The following NUDT19 variants were observed in gnomAD, a reference collection of about 807,000 sequenced individuals.
NUDT19 encodes the protein nudix hydrolase 19, also known as acyl-coenzyme A diphosphatase NUDT19.
NUDT19 carries 31 observed loss-of-function variants against 22.2 expected under a neutral mutation model. The ratio of observed to expected loss-of-function variants is 1.40; its 90% CI spans 1.05 to 1.89. The LOEUF is 1.89. Among genes scored for constraint, NUDT19 ranks in the 40% most tolerant of loss-of-function variants. NUDT19 has a pLI of 0.00. For missense variants in NUDT19, 752 were observed against 514.2 expected, an observed-to-expected ratio of 1.46 and a Z score of -4.47; for synonymous variants, 325 against 230.8, an observed-to-expected ratio of 1.41 and a Z score of -3.70.
At chr19:32,706,671 G>A (rs569083465) in intron 1 of NUDT19, among the ~76,000 whole-genome samples, 8 of 152,158 alleles carry the variant, frequency 5.3e-5, no homozygotes, top group East Asian at 1.9e-4. Flanking sequence ...TAACAAAAGC[G>A]AAACTCCATC....
chr19:32,693,276 C>G (rs910224644), intron 1 of NUDT19, among the ~76,000 whole-genome samples: 1 of 152,162 alleles, frequency 6.6e-6, no homozygotes, highest in South Asian at 2.1e-4. Flanking sequence ...TTCGTGGTCT[C>G]GCTGACTTCA....
At position 32,692,283 on chromosome 19, in the gene NUDT19, A is replaced by G. The variant is rs1028538647; in HGVS notation, c.323A>G (p.Asp108Gly). The G allele has an allele frequency of 8.2e-6, 13 of 1,592,804 alleles. No homozygotes were observed. Among genetic ancestry groups the G allele is most frequent in the Non-Finnish European group, 1.1e-5 (13 of 1,177,774 alleles). Residue 108 changes from aspartate to glycine, a missense_variant, in exon 1 of 3, where the codon GAT becomes GGT. Asp to Gly is a moderately conservative substitution (Grantham distance 94). Coordinates refer to ENST00000397061, the MANE Select transcript of NUDT19 (RefSeq NM_001105570.2). The part of the protein sequence containing the change: ...RTAFPSLPDT[D>G]DHKTDNTGTL... ...GCTTTCCCGTCGCTGCCCGACACCG[A>G]TGACCACAAGACCGACAACACTGGG...
At chr19:32,692,803 T>C in intron 1 of NUDT19, 129 bp downstream of exon 1, 2 of 633,308 alleles carry the variant, frequency 3.2e-6, no homozygotes, top group Non-Finnish European at 4.9e-6. Context: ...AAGGAACGCT[T>C]AGACGGGCTG....
chr19:32,703,713 A>T (rs952838804), intron 1 of NUDT19, among the ~76,000 whole-genome samples: 2 of 116,822 alleles, frequency 1.7e-5, no homozygotes, highest in Non-Finnish European at 3.2e-5. Context: ...CCCAGGCTGG[A>T]GTGCAGTGGC....
At chr19:32,711,417 C>G (rs908156639) in intron 2 of NUDT19, among the ~76,000 whole-genome samples, 1 of 152,010 alleles carries the variant, frequency 6.6e-6, no homozygotes, top group East Asian at 1.9e-4. Flanking sequence ...GAGCCGAGAT[C>G]GCGCCACTGC....
chr19:32,693,218 C>T (rs556110636), intron 1 of NUDT19, among the ~76,000 whole-genome samples: 4 of 152,286 alleles, frequency 2.6e-5, no homozygotes, highest in South Asian at 2.1e-4. Context: ...TGTCCAGTTT[C>T]TTCCTTCAGA....
In NUDT19 at chr19:32,692,476, C is replaced by T. The variant is rs1381540885; in HGVS notation, c.516C>T (p.Arg172=). The T allele has an allele frequency of 1.0e-5, 16 of 1,550,124 alleles. No individual in the cohort carries two copies. Among genetic ancestry groups the T allele is most frequent in the Admixed American group, 5.8e-5 (3 of 51,584 alleles). ...PGLASWRDRV[R]QDPRHFLRLC... is the part of the protein sequence containing the mutation. ...TGGCCTCCTGGCGCGACCGCGTGCGCCAGGACCCGCGCCACTTCCTGCGGC... is the reference window on the plus strand; with the variant it reads ...TGGCCTCCTGGCGCGACCGCGTGCGTCAGGACCCGCGCCACTTCCTGCGGC... Residue 172 remains arginine (R), a synonymous_variant, in exon 1 of 3, where the codon CGC becomes CGT. Coordinates refer to ENST00000397061, the MANE Select transcript of NUDT19 (RefSeq NM_001105570.2).
chr19:32,692,701 G>T (rs781295019), intron 1 of NUDT19, 27 bp downstream of exon 1: 4 of 1,423,960 alleles, frequency 2.8e-6, no homozygotes, highest in Middle Eastern at 2.6e-4. Flanking sequence ...GCCTTGCTGC[G>T]GACCGCCAGG....
At position 32,692,350 on chromosome 19, in the gene NUDT19, G is replaced by T; in HGVS notation, c.390G>T (p.Arg130=). The change falls in exon 1 of 3, where the codon CGG becomes CGT. Residue 130 remains arginine, a synonymous_variant. Coordinates refer to ENST00000397061, the MANE Select transcript of NUDT19 (RefSeq NM_001105570.2). ...EDVAFRICAV[R]EAFEEAGVLL... ...TAGCCTTCCGCATCTGCGCCGTGCG[G>T]GAGGCCTTTGAGGAGGCGGGCGTGC... 1 of 1,590,608 alleles carries T rather than the reference G, an allele frequency of 6.3e-7. No individual in the cohort carries two copies. The highest frequency in any genetic ancestry group is 1.1e-5 in the South Asian group (1 of 90,190).
chr19:32,709,256 CGAAGTGA>C lies in NUDT19; in HGVS notation c.791_797del (p.Val264AspfsTer20). ...TTTGGTTGCCACCCCCACAGTTCTACGAAGTGAGAAGACTTGCAAACTTTGCCTCTCT... is the reference window on the plus strand; with the variant it reads ...TTTGGTTGCCACCCCCACAGTTCTACGAAGACTTGCAAACTTTGCCTCTCT... On this transcript the variant is annotated frameshift_variant, in exon 2 of 3. Coordinates refer to ENST00000397061, the MANE Select transcript of NUDT19 (RefSeq NM_001105570.2). LOFTEE classifies it high-confidence loss of function. 6.2e-7 allele frequency: 1 copy of C among 1,614,098 alleles called. No homozygotes were observed. The highest frequency in any genetic ancestry group is 8.5e-7 in the Non-Finnish European group (1 of 1,179,980).
At chr19:32,702,581 C>G (rs886971236) in intron 1 of NUDT19, among the ~76,000 whole-genome samples, 6 of 152,086 alleles carry the variant, frequency 3.9e-5, no homozygotes, top group African/African-American at 1.4e-4. Flanking sequence ...GCACTCCAGC[C>G]TGGGTGACAG....
In NUDT19 at chr19:32,692,428, C is replaced by A; in HGVS notation, c.468C>A (p.Leu156=). ...SPPGPAPGPG[L]ALEPPPGLAS... is the part of the protein sequence containing the mutation. ...CAGGCCCAGCACCCGGGCCTGGCCT[C>A]GCCCTGGAGCCACCGCCGGGCCTGG... Residue 156 remains leucine (L), a synonymous_variant, in exon 1 of 3, where the codon CTC becomes CTA. Transcript: ENST00000397061. 6.4e-7 allele frequency: 1 copy of A among 1,551,138 alleles called. No homozygotes were observed. The highest frequency in any genetic ancestry group is 8.7e-7 in the Non-Finnish European group (1 of 1,155,574).
Position 32,692,603 on chromosome 19 carries a change from G to A in NUDT19, c.643G>A (p.Ala215Thr), listed in dbSNP as rs760646276. ...GGGCACCACTCGCCGCTTTGACACGGCCTTCTTCCTGTGCTGCCTGCGCGA... is the reference window on the plus strand; with the variant it reads ...GGGCACCACTCGCCGCTTTGACACGACCTTCTTCCTGTGCTGCCTGCGCGA... ...LRGTTRRFDT[A>T]FFLCCLREPP... The change falls in exon 1 of 3, where the codon GCC (alanine) becomes ACC (threonine). Residue 215 changes from alanine (A) to threonine (T), a missense_variant. Ala to Thr is a moderately conservative substitution (Grantham distance 58). Coordinates refer to ENST00000397061, the MANE Select transcript of NUDT19 (RefSeq NM_001105570.2). 2 of 1,568,932 alleles carry A rather than the reference G, an allele frequency of 1.3e-6. No homozygotes were observed. The highest frequency in any genetic ancestry group is 8.6e-7 in the Non-Finnish European group (1 of 1,163,368).
intron 1 of NUDT19, among the ~76,000 whole-genome samples, chr19:32,699,722 A>G (rs190203245): frequency 8.5e-5 from 13 of 152,332 alleles, no homozygotes; most frequent in Non-Finnish European, 1.9e-4. Flanking sequence ...GTGGTCACCA[A>G]AATGTGTCCA....
chr19:32,707,186 G>C (rs1968395457), intron 1 of NUDT19, among the ~76,000 whole-genome samples: 1 of 152,226 alleles, frequency 6.6e-6, no homozygotes, highest in Admixed American at 6.5e-5. Context: ...GATTAAGTGG[G>C]TTGATGCCTG....
At position 32,692,663 on chromosome 19, in the gene NUDT19, G is replaced by A. The variant is rs993125027; in HGVS notation, c.703G>A (p.Val235Met). The change falls in exon 1 of 3, where the codon GTG (valine) becomes ATG (methionine). Residue 235 changes from valine to methionine, a missense_variant. Transcript: ENST00000397061. ...PPVYPDLAEV[V>M]GYQWSSPSEA... The stretch of plus-strand genomic sequence containing the variant: ...CGTCTACCCCGACTTGGCGGAGGTG[G>A]TGGGCTACCAGGTAAGGCCTGCTCA... 10 of 1,509,314 alleles carry A rather than the reference G, an allele frequency of 6.6e-6. No homozygotes were observed. In the Admixed American group the frequency reaches 8.6e-5, roughly 13 times the overall value. 93.5% of individuals were successfully genotyped at this position (1,509,314 alleles called of 1,614,324 possible). A position where few individuals can be genotyped will look rare whatever the true frequency, so the allele number is the denominator to read the frequency against.
At chr19:32,705,794 A>C (rs1022277014) in intron 1 of NUDT19, among the ~76,000 whole-genome samples, 15 of 152,030 alleles carry the variant, frequency 9.9e-5, no homozygotes, top group Non-Finnish European at 1.3e-4. Flanking sequence ...CATGTTGGCC[A>C]GGTTGGTCTT....
At chr19:32,695,804 A>G (rs1319147656) in intron 1 of NUDT19, among the ~76,000 whole-genome samples, 1 of 152,256 alleles carries the variant, frequency 6.6e-6, no homozygotes, top group Non-Finnish European at 1.5e-5. Context: ...CAGCATGGGC[A>G]TGTAGGATTA....
intron 1 of NUDT19, among the ~76,000 whole-genome samples, chr19:32,694,189 G>A (rs1968237552): frequency 6.6e-6 from 1 of 152,252 alleles, no homozygotes; most frequent in South Asian, 2.1e-4. Context: ...AAGGGGAGAA[G>A]CCATGTTGCC....
Sources: allele counts gnomAD v4.1 joint callset (sites outside exome capture counted in the v4.1 genomes callset), GRCh38; gene constraint gnomAD v4.1.1; transcripts MANE v1.5; gene names NCBI Gene and HGNC (gene_info 2026-07-23, HGNC 2026-07-21).